Variants in CACNA1S observed in about 807,000 individuals in gnomAD.
The protein encoded by CACNA1S is calcium voltage-gated channel subunit alpha1 S, also known as voltage-dependent L-type calcium channel subunit alpha-1S.
In CACNA1S, 126 loss-of-function variants were observed where a neutral mutation model predicts 207.4. The ratio of observed to expected loss-of-function variants is 0.61; its 90% CI spans 0.53 to 0.70. The LOEUF is 0.70. Ranked by LOEUF, CACNA1S falls within the 30% of genes least tolerant of loss-of-function variation. The pLI is 0.00. For missense variants in CACNA1S, 2,349 were observed against 2,422.8 expected (o/e 0.97, Z 0.64); for synonymous variants, 960 against 932.7 (o/e 1.03, Z -0.53).
intron 2 of CACNA1S, among the ~76,000 whole-genome samples, chr1:201,096,956 T>C (rs1343994384): frequency 2.0e-5 from 3 of 152,190 alleles, no homozygotes; most frequent in Admixed American, 1.3e-4. Context: ...CTCAGTATGT[T>C]TGAAACGGAA....
intron 26 of CACNA1S, 145 bp from the exon 27 acceptor site, chr1:201,059,444 T>C (rs1217016037): frequency 1.4e-5 from 8 of 591,222 alleles, no homozygotes; most frequent in Non-Finnish European, 2.1e-5. Context: ...CTCAGAAAAC[T>C]AGAAGCTGCT....
chr1:201,106,602 G>T (rs758221369), intron 2 of CACNA1S, among the ~76,000 whole-genome samples: 5 of 152,098 alleles, frequency 3.3e-5, no homozygotes, highest in Non-Finnish European at 7.3e-5. Context: ...CTTTCTTTCA[G>T]CCCCTTTCTC....
rs1182196419 is a variant in CACNA1S at position 201,047,524 on chromosome 1, C to A, written c.4543+1G>T. On this transcript the variant is annotated splice_donor_variant, in intron 37 of 43. Coordinates refer to ENST00000362061, the MANE Select transcript of CACNA1S (RefSeq NM_000069.3). LOFTEE classifies it high-confidence loss of function. ...CTCTGGTCCCCCAAAGTAGCACCTA[C>A]CTCCTATTGGAGGGATGACCTGGTC... The A allele has an allele frequency of 6.2e-7, 1 of 1,611,840 alleles. No individual in the cohort carries two copies. Among genetic ancestry groups the A allele is most frequent in the Non-Finnish European group, 8.5e-7 (1 of 1,178,018 alleles).
Position 201,075,558 on chromosome 1 carries a change from C to G in CACNA1S, c.1885G>C (p.Gly629Arg). The change falls in exon 13 of 44, where the codon GGG becomes CGG. Residue 629 changes from glycine (G) to arginine (R), a missense_variant. Coordinates refer to ENST00000362061, the MANE Select transcript of CACNA1S (RefSeq NM_000069.3). ...MMYNGIMAYG[G>R]PSYPGMLVCI... ...ACAAGCATGCCAGGGTAGGACGGCC[C>G]GCCGTAGGCCATGATCCCATTGTAC... is the stretch of plus-strand genomic sequence containing the variant. The G allele has an allele frequency of 4.3e-6, 7 of 1,614,090 alleles. No individual in the cohort carries two copies. The highest frequency in any genetic ancestry group is 5.9e-6 in the Non-Finnish European group (7 of 1,179,984).
intron 5 of CACNA1S, among the ~76,000 whole-genome samples, chr1:201,090,769 T>C (rs1482163334): frequency 6.6e-6 from 1 of 152,122 alleles, no homozygotes; most frequent in Non-Finnish European, 1.5e-5. Flanking sequence ...GCTACATGAG[T>C]TGTGATTTGG....
intron 40 of CACNA1S, 109 bp from the exon 41 acceptor site, chr1:201,041,698 A>T (rs528118777): frequency 1.2e-6 from 1 of 812,900 alleles, no homozygotes; most frequent in Non-Finnish European, 2.1e-6. Context: ...TACAAGGCCA[A>T]CCTAGTGTAG....
At chr1:201,092,478 G>C (rs1383829290) in intron 3 of CACNA1S, among the ~76,000 whole-genome samples, 1 of 152,194 alleles carries the variant, frequency 6.6e-6, no homozygotes, top group Non-Finnish European at 1.5e-5. Flanking sequence ...GTGACCCAGA[G>C]AAGAAACTCC....
chr1:201,068,285 C>T (rs1661322080), intron 19 of CACNA1S, among the ~76,000 whole-genome samples: 1 of 130,864 alleles, frequency 7.6e-6, no homozygotes, highest in Non-Finnish European at 1.6e-5. Flanking sequence ...TCTCGTCACC[C>T]AGGCTGGAGT....
intron 19 of CACNA1S, among the ~76,000 whole-genome samples, chr1:201,067,840 T>C (rs1362280447): frequency 1.3e-5 from 2 of 152,168 alleles, no homozygotes; most frequent in Non-Finnish European, 1.5e-5. Flanking sequence ...ACTCAATTCC[T>C]TCAATAGTTG....
At position 201,069,127 on chromosome 1, in the gene CACNA1S, C is replaced by T. The variant is rs766232935; in HGVS notation, c.2550+10G>A. 3 of 1,613,520 alleles carry T rather than the reference C, an allele frequency of 1.9e-6. No individual in the cohort carries two copies. The highest frequency in any genetic ancestry group is 2.2e-5 in the South Asian group (2 of 91,048). On this transcript the variant is annotated intron_variant, in intron 19 of 43. Coordinates refer to ENST00000362061, the MANE Select transcript of CACNA1S (RefSeq NM_000069.3). ...TCCCTCCCCAGGGCTGCCCCACAGC[C>T]TTCACTCACCTTGAGGACAATCTCC... is the stretch of plus-strand genomic sequence containing the variant.
In CACNA1S at chr1:201,066,056, G is replaced by T; in HGVS notation, c.2746-111C>A. 1 of 942,274 alleles carries T rather than the reference G, an allele frequency of 1.1e-6. No individual in the cohort carries two copies. The highest frequency in any genetic ancestry group is 1.7e-6 in the Non-Finnish European group (1 of 591,290). 58.4% of individuals were successfully genotyped at this position (942,274 alleles called of 1,614,324 possible). ...CTTGCTGCCTCCTGATGAGTTGGAG[G>T]TGGGGAAAGGCTGGTGGGGAAGCAT... On this transcript the variant is annotated intron_variant, in intron 21 of 43. Transcript: ENST00000362061. This position sits in a 1 kb window ranked among gnomAD's most constrained non-coding sequence, Gnocchi z 4.3.
At position 201,092,196 on chromosome 1, in the gene CACNA1S, C is replaced by T. The variant is rs1558081364; in HGVS notation, c.399-82G>A. The T allele has an allele frequency of 2.0e-6, 3 of 1,518,952 alleles. No individual in the cohort carries two copies. The African/African-American group carries it at 4.1e-5, about 21-fold the overall frequency. The allele number at this position is 1,518,952 out of a possible 1,614,324, so 94.1% of individuals were successfully genotyped here. ...GTGGTCTGAGGCCCTGTGTCCTGTC[C>T]ATGCTTGAGCACCTGTGGAAAGGCC... is the stretch of plus-strand genomic sequence containing the variant. On this transcript the variant is annotated intron_variant, in intron 3 of 43. Transcript: ENST00000362061.
At chr1:201,079,134 AAAAAAACCCAAGACTCTCCCAT>A (rs1481759435) in intron 10 of CACNA1S, among the ~76,000 whole-genome samples, 1 of 144,418 alleles carries the variant, frequency 6.9e-6, no homozygotes, top group Non-Finnish European at 1.5e-5. Context: ...AAAAAAAAAC[AAAAAAACCCAAGACTCTCCCAT>A]TTTCCCTCTA....
rs1354556550 is a variant in CACNA1S, at chr1:201,060,722, G to A, written c.3350C>T (p.Ser1117Phe). Residue 1117 changes from serine to phenylalanine, a missense_variant, in exon 26 of 44, where the codon TCC (serine) becomes TTC (phenylalanine). Ser to Phe is a radical substitution (Grantham distance 155, BLOSUM62 -2). Coordinates refer to ENST00000362061, the MANE Select transcript of CACNA1S (RefSeq NM_000069.3). ...YQYQVWYIVT[S>F]SYFEYLMFAL... is the part of the protein sequence containing the mutation. ...AAACATCAGGTATTCAAAGTAGGAG[G>A]AGGTGACAATGTACCACACCTGGTA... is the stretch of plus-strand genomic sequence containing the variant. The A allele has an allele frequency of 1.2e-6, 2 of 1,614,212 alleles. No homozygotes were observed. Among genetic ancestry groups the A allele is most frequent in the Admixed American group, 1.7e-5 (1 of 60,028 alleles).
chr1:201,061,312 C>A lies in CACNA1S; in HGVS notation c.3210G>T (p.Glu1070Asp). 6.2e-7 allele frequency: 1 copy of A among 1,614,206 alleles called. No individual in the cohort carries two copies. The change falls in exon 25 of 44, where the codon GAG (glutamate) becomes GAT (aspartate). Residue 1070 changes from glutamate (E) to aspartate (D), a missense_variant. Transcript: ENST00000362061. ...FVGFVIVTFQEQGETEYKNCE... is the reference protein window; with the variant it reads ...FVGFVIVTFQDQGETEYKNCE... The stretch of plus-strand genomic sequence containing the variant: ...AGTTCTTGTACTCAGTCTCTCCCTG[C>A]TCCTGGAAGGTGACAATGACGAAGC...
At position 201,060,761 on chromosome 1, in the gene CACNA1S, T is replaced by C. The variant is rs958747842; in HGVS notation, c.3311A>G (p.Lys1104Arg). The change falls in exon 26 of 44, where the codon AAA (lysine) becomes AGA (arginine). Residue 1104 changes from lysine (K) to arginine (R), a missense_variant. By Grantham distance (26) the Lys-to-Arg change is conservative. Coordinates refer to ENST00000362061, the MANE Select transcript of CACNA1S (RefSeq NM_000069.3). ...CCACACCTGGTACTGGTATGGGTTT[T>C]TGGGAATGTAGCACCTCAGTGGGCG... ...KARPLRCYIP[K>R]NPYQYQVWYI... 5.6e-6 allele frequency: 9 copies of C among 1,614,196 alleles called. No individual in the cohort carries two copies. The highest frequency in any genetic ancestry group is 1.6e-4 in the Middle Eastern group (1 of 6,062).
intron 40 of CACNA1S, 27 bp from the exon 41 acceptor site, chr1:201,041,616 C>T (rs1660214783): frequency 1.3e-6 from 2 of 1,529,064 alleles, no homozygotes; most frequent in South Asian, 1.1e-5. Context: ...GCTGGGTGAA[C>T]CAGAGAAGGC....
At chr1:201,094,826 G>A (rs555906148) in intron 2 of CACNA1S, among the ~76,000 whole-genome samples, 1 of 152,032 alleles carries the variant, frequency 6.6e-6, no homozygotes, top group South Asian at 2.1e-4. Flanking sequence ...CAGAAGGCCC[G>A]GCCGACACTC....
chr1:201,061,798 A>T, intron 24 of CACNA1S, 146 bp downstream of exon 24: 7 of 937,876 alleles, frequency 7.5e-6, no homozygotes, highest in Non-Finnish European at 1.2e-5. Context: ...CAGTCAACAT[A>T]CCATCAAACC....
Sources: gnomAD v4.1 joint callset for allele counts (sites outside exome capture counted in the v4.1 genomes callset) on GRCh38, gnomAD v4.1.1 for gene constraint, Gnocchi (gnomAD v3.1) non-coding constraint, MANE v1.5 for transcripts, NCBI Gene and HGNC (gene_info 2026-07-23, HGNC 2026-07-21) for gene names.